LYPD6B: variants seen among roughly 807,000 people sequenced by gnomAD.
LYPD6B encodes the protein ly6/PLAUR domain-containing protein 6B.
LYPD6B carries 17 observed loss-of-function variants against 22.8 expected under a neutral mutation model. The ratio of observed to expected loss-of-function variants is 0.75; its 90% CI spans 0.51 to 1.12. LYPD6B has a LOEUF of 1.12. Among genes scored for constraint, LYPD6B ranks in the 50% most tolerant of loss-of-function variants. The pLI, the probability that LYPD6B is intolerant of heterozygous loss-of-function variation, is 0.00. For missense variants in LYPD6B, 221 were observed against 258.3 expected (o/e 0.86, Z 0.99); for synonymous variants, 106 against 91.6 (o/e 1.16, Z -0.90).
At chr2:149,177,851 T>G (rs1691428979) in intron 3 of LYPD6B, among the ~76,000 whole-genome samples, 1 of 151,854 alleles carries the variant, frequency 6.6e-6, no homozygotes, top group Admixed American at 6.6e-5. Context: ...TTTTTTTTTT[T>G]TTGTACTATT....
intron 3 of LYPD6B, among the ~76,000 whole-genome samples, chr2:149,197,204 G>T (rs946647792): frequency 2.0e-5 from 3 of 152,112 alleles, no homozygotes. Flanking sequence ...TCCATGTTAT[G>T]TCCTTGGCTT....
chr2:149,214,666 T>G lies in LYPD6B; in HGVS notation c.580T>G (p.Tyr194Asp). 6.2e-7 allele frequency: 1 copy of G among 1,614,012 alleles called. No homozygotes were observed. Among genetic ancestry groups the G allele is most frequent in the Non-Finnish European group, 8.5e-7 (1 of 1,179,874 alleles). The stretch of plus-strand genomic sequence containing the variant: ...ATCTGGCAGCAGTGCCCCCACACTC[T>G]ACCTACCAGTGCTTGCCTGGGTCTT... ...RTSGSSAPTL[Y>D]LPVLAWVFVL... Residue 194 changes from tyrosine to aspartate, a missense_variant, in exon 7 of 7, where the codon TAC becomes GAC. Physicochemically the swap from Tyr to Asp is radical, Grantham distance 160. Coordinates refer to ENST00000409642, the MANE Select transcript of LYPD6B (RefSeq NM_177964.5).
chr2:149,189,725 C>A (rs1387344634), intron 3 of LYPD6B, among the ~76,000 whole-genome samples: 2 of 152,044 alleles, frequency 1.3e-5, no homozygotes, highest in Non-Finnish European at 2.9e-5. Context: ...TCTTAATCAG[C>A]TTTTATTTAG....
intron 1 of LYPD6B, among the ~76,000 whole-genome samples, chr2:149,110,306 G>C (rs901285063): frequency 9.9e-5 from 15 of 151,626 alleles, no homozygotes; most frequent in African/African-American, 3.4e-4. Context: ...TGTTCTGGGT[G>C]GTTTTGATTC....
intron 1 of LYPD6B, among the ~76,000 whole-genome samples, chr2:149,058,100 G>GACCTTGGATGAGTT (rs1683892982): frequency 3.3e-5 from 5 of 152,174 alleles, no homozygotes; most frequent in Non-Finnish European, 2.9e-5. Flanking sequence ...CTGACTGTGT[G>GACCTTGGATGAGTT]ACCTTGGATG....
At chr2:149,202,367 C>T (rs1483599457) in intron 3 of LYPD6B, among the ~76,000 whole-genome samples, 3 of 152,128 alleles carry the variant, frequency 2.0e-5, no homozygotes, top group Admixed American at 2.0e-4. Context: ...ACACTGGCTG[C>T]TTTTTTTGAG....
intron 2 of LYPD6B, among the ~76,000 whole-genome samples, chr2:149,150,944 G>A (rs1689327971): frequency 6.6e-6 from 1 of 151,744 alleles, no homozygotes; most frequent in Admixed American, 6.6e-5. Flanking sequence ...TTACTTCTAA[G>A]AGTCCTACCC....
intron 1 of LYPD6B, among the ~76,000 whole-genome samples, chr2:149,075,638 C>A (rs1319755043): frequency 1.3e-5 from 2 of 152,106 alleles, no homozygotes; most frequent in African/African-American, 2.4e-5. Flanking sequence ...GTTAGAAGAA[C>A]CTATAACTAA....
chr2:149,210,732 G>A (rs567315458), intron 5 of LYPD6B, among the ~76,000 whole-genome samples: 7 of 152,258 alleles, frequency 4.6e-5, no homozygotes, highest in Admixed American at 1.3e-4. Flanking sequence ...CATGTGTCCC[G>A]TTCTGTATGA....
intron 3 of LYPD6B, among the ~76,000 whole-genome samples, chr2:149,177,514 G>T (rs1691401687): frequency 6.6e-6 from 1 of 152,172 alleles, no homozygotes; most frequent in Non-Finnish European, 1.5e-5. Flanking sequence ...TAAAGAAAAT[G>T]GATGTAAATT....
At chr2:149,069,848 T>C (rs182487001) in intron 1 of LYPD6B, among the ~76,000 whole-genome samples, 1 of 152,172 alleles carries the variant, frequency 6.6e-6, no homozygotes, top group Non-Finnish European at 1.5e-5. Context: ...AACAGTTTTC[T>C]TTTTATTAAT....
intron 3 of LYPD6B, among the ~76,000 whole-genome samples, chr2:149,189,353 T>C (rs1172458715): frequency 3.2e-5 from 3 of 92,510 alleles, no homozygotes; most frequent in South Asian, 4.7e-4. Context: ...TATATATATA[T>C]ATATATATAT....
intron 4 of LYPD6B, among the ~76,000 whole-genome samples, chr2:149,207,476 T>A (rs1693571601): frequency 6.6e-6 from 1 of 152,150 alleles, no homozygotes; most frequent in Non-Finnish European, 1.5e-5. Flanking sequence ...CAAATTATTT[T>A]ATTTTTTTCT....
At chr2:149,089,475 A>G (rs1179830049) in intron 1 of LYPD6B, among the ~76,000 whole-genome samples, 1 of 152,170 alleles carries the variant, frequency 6.6e-6, no homozygotes, top group East Asian at 1.9e-4. Flanking sequence ...TAATCTAGTA[A>G]TGTTTTCTTC....
At chr2:149,108,743 C>T (rs1297690374) in intron 1 of LYPD6B, among the ~76,000 whole-genome samples, 2 of 152,202 alleles carry the variant, frequency 1.3e-5, no homozygotes, top group African/African-American at 4.8e-5. Context: ...TTTATAATCA[C>T]CCCCTTTTGT....
intron 1 of LYPD6B, among the ~76,000 whole-genome samples, chr2:149,077,876 G>A (rs996189308): frequency 6.6e-6 from 1 of 152,216 alleles, no homozygotes; most frequent in African/African-American, 2.4e-5. Flanking sequence ...GTGATCTGAT[G>A]TCATTCAGAA....
chr2:149,068,621 AT>A, intron 1 of LYPD6B: 1 of 491,862 alleles, frequency 2.0e-6, no homozygotes, highest in South Asian at 1.5e-5. Context: ...TGGCTTCAAG[AT>A]TTTCCTTATT....
At chr2:149,176,991 T>C (rs1437117474) in intron 3 of LYPD6B, among the ~76,000 whole-genome samples, 1 of 152,230 alleles carries the variant, frequency 6.6e-6, no homozygotes, top group East Asian at 1.9e-4. Context: ...TCTTACCTGC[T>C]TTCATCCTCA....
At chr2:149,192,747 C>T (rs1229612869) in intron 3 of LYPD6B, among the ~76,000 whole-genome samples, 1 of 152,134 alleles carries the variant, frequency 6.6e-6, no homozygotes. Context: ...TTTGAGCCCT[C>T]TTAGCCCTCA....
Sources: allele counts gnomAD v4.1 joint callset (sites outside exome capture counted in the v4.1 genomes callset), GRCh38; gene constraint gnomAD v4.1.1; transcripts MANE v1.5; gene names NCBI Gene and HGNC (gene_info 2026-07-23, HGNC 2026-07-21).